Variants in ADGRL3 observed in about 807,000 individuals in gnomAD.
The protein encoded by ADGRL3 is adhesion G protein-coupled receptor L3.
In ADGRL3, 62 loss-of-function variants were observed where a neutral mutation model predicts 153.5. The ratio of observed to expected loss-of-function variants is 0.40; its 90% CI spans 0.33 to 0.50. The LOEUF (loss-of-function observed/expected upper bound fraction) is 0.50. ADGRL3 is among the 20% of genes least tolerant of loss of function. The probability of loss-of-function intolerance (pLI) is 0.47; values close to 1 mark genes in which losing one functional copy is unlikely to be tolerated. For synonymous variants in ADGRL3, 710 were observed against 672.5 expected, an observed-to-expected ratio of 1.06 and a Z score of -0.86; for missense variants, 1,641 against 1,859.4, an observed-to-expected ratio of 0.88 and a Z score of 2.16.
At chr4:61,321,272 T>A (rs538775697) in intron 1 of ADGRL3, among the ~76,000 whole-genome samples, 1 of 152,266 alleles carries the variant, frequency 6.6e-6, no homozygotes, top group East Asian at 1.9e-4. Flanking sequence ...TGTTCATTGT[T>A]GAGGTGAGAT....
At chr4:61,220,895 C>G (rs1409266786) in intron 1 of ADGRL3, among the ~76,000 whole-genome samples, 4 of 152,184 alleles carry the variant, frequency 2.6e-5, no homozygotes, top group Admixed American at 2.0e-4. Flanking sequence ...TCTAATACTG[C>G]ATTCTGCAGG....
At chr4:61,540,167 G>A (rs1579416862) in intron 4 of ADGRL3, among the ~76,000 whole-genome samples, 1 of 151,984 alleles carries the variant, frequency 6.6e-6, no homozygotes, top group South Asian at 2.1e-4. Context: ...GTCATATCAG[G>A]CTAAATATTT....
chr4:61,421,604 C>T (rs1324769185), intron 2 of ADGRL3, among the ~76,000 whole-genome samples: 1 of 152,128 alleles, frequency 6.6e-6, no homozygotes, highest in Non-Finnish European at 1.5e-5. Context: ...ATGCCACTTA[C>T]AAGTAGGAAG....
intron 17 of ADGRL3, among the ~76,000 whole-genome samples, chr4:61,973,961 G>A (rs1336753908): frequency 6.6e-6 from 1 of 151,934 alleles, no homozygotes; most frequent in Non-Finnish European, 1.5e-5. Context: ...CGGATGCTTT[G>A]GACATTTTTT....
chr4:61,853,087 G>A (rs1468797051), intron 9 of ADGRL3, among the ~76,000 whole-genome samples: 3 of 151,916 alleles, frequency 2.0e-5, no homozygotes, highest in Admixed American at 6.6e-5. Context: ...ATGTGATCTC[G>A]GGTCGCTGCA....
chr4:61,609,159 A>G (rs1312528891), intron 5 of ADGRL3, among the ~76,000 whole-genome samples: 2 of 152,152 alleles, frequency 1.3e-5, no homozygotes, highest in Admixed American at 6.6e-5. Context: ...CAATATTTAT[A>G]TTGGTTAGTC....
At chr4:61,367,184 G>A (rs187054767) in intron 1 of ADGRL3, among the ~76,000 whole-genome samples, 1 of 151,818 alleles carries the variant, frequency 6.6e-6, no homozygotes, top group Non-Finnish European at 1.5e-5. Flanking sequence ...TAGCAAATTT[G>A]GGATGTACAA....
intron 5 of ADGRL3, among the ~76,000 whole-genome samples, chr4:61,658,906 AG>A (rs1331279238): frequency 2.0e-5 from 3 of 152,182 alleles, no homozygotes; most frequent in African/African-American, 7.2e-5. Context: ...TACCACAAAC[AG>A]GGTAGCTTAA....
At chr4:61,582,985 T>A (rs2098932099) in intron 4 of ADGRL3, among the ~76,000 whole-genome samples, 1 of 152,108 alleles carries the variant, frequency 6.6e-6, no homozygotes, top group Non-Finnish European at 1.5e-5. Flanking sequence ...GACTCGTGAA[T>A]TCAACTGATT....
intron 4 of ADGRL3, among the ~76,000 whole-genome samples, chr4:61,576,885 C>T (rs2098888259): frequency 6.6e-6 from 1 of 151,694 alleles, no homozygotes; most frequent in African/African-American, 2.4e-5. Flanking sequence ...CAGCAATTGT[C>T]CAATTCTGAA....
intron 1 of ADGRL3, among the ~76,000 whole-genome samples, chr4:61,208,435 C>T (rs1738329905): frequency 6.6e-6 from 1 of 152,048 alleles, no homozygotes; most frequent in Non-Finnish European, 1.5e-5. Context: ...TTGTTTGCTG[C>T]TATTATGATT....
chr4:61,337,129 C>T (rs1441985553), intron 1 of ADGRL3, among the ~76,000 whole-genome samples: 1 of 152,064 alleles, frequency 6.6e-6, no homozygotes, highest in African/African-American at 2.4e-5. Context: ...TTAGAAGTGC[C>T]TCTCTGATCC....
At chr4:61,826,920 A>G (rs1169394178) in intron 9 of ADGRL3, among the ~76,000 whole-genome samples, 2 of 152,080 alleles carry the variant, frequency 1.3e-5, no homozygotes, top group Admixed American at 1.3e-4. Context: ...GTATAATAAA[A>G]AAAAAAATTA....
intron 4 of ADGRL3, among the ~76,000 whole-genome samples, chr4:61,538,576 A>T (rs28716290): frequency 0.21 from 31,884 of 151,972 alleles, 3,612 homozygotes; most frequent in Admixed American, 0.3. Context: ...AGTAGCTGGG[A>T]TTACAGGCAT....
chr4:61,280,106 TC>T (rs2093656943), intron 1 of ADGRL3, among the ~76,000 whole-genome samples: 5 of 104,046 alleles, frequency 4.8e-5, no homozygotes, highest in Non-Finnish European at 7.3e-5. Context: ...TCTTTTCTTT[TC>T]TTTTTCTTTT....
chr4:61,981,622 C>T (rs2099068753), intron 18 of ADGRL3, among the ~76,000 whole-genome samples: 1 of 152,108 alleles, frequency 6.6e-6, no homozygotes, highest in Non-Finnish European at 1.5e-5. Context: ...TCATATATTA[C>T]ACAAACTTTA....
intron 24 of ADGRL3, among the ~76,000 whole-genome samples, chr4:62,040,730 T>C (rs560104441): frequency 2.1e-4 from 32 of 152,150 alleles, no homozygotes; most frequent in African/African-American, 7.5e-4. Context: ...AGAAAACGTA[T>C]TAATAACAAA....
At chr4:61,338,404 T>A (rs1280826782) in intron 1 of ADGRL3, among the ~76,000 whole-genome samples, 4 of 151,884 alleles carry the variant, frequency 2.6e-5, no homozygotes, top group Non-Finnish European at 2.9e-5. Flanking sequence ...TGTGTGTGTG[T>A]GTGTGTGTGT....
intron 2 of ADGRL3, among the ~76,000 whole-genome samples, chr4:61,400,492 G>C (rs2096917138): frequency 6.6e-6 from 1 of 151,798 alleles, no homozygotes; most frequent in African/African-American, 2.4e-5. Context: ...TCTTGTAAAA[G>C]AGAACCATCA....
Sources: gnomAD v4.1 joint callset for allele counts (sites outside exome capture counted in the v4.1 genomes callset) on GRCh38, gnomAD v4.1.1 for gene constraint, MANE v1.5 for transcripts, NCBI Gene and HGNC (gene_info 2026-07-23, HGNC 2026-07-21) for gene names.